PPP6R2: variants seen among roughly 807,000 people sequenced by gnomAD.
The protein encoded by PPP6R2 is protein phosphatase 6 regulatory subunit 2.
PPP6R2 carries 62 observed loss-of-function variants against 100.2 expected under a neutral mutation model. The ratio of observed to expected loss-of-function variants is 0.62; its 90% CI spans 0.50 to 0.76. The LOEUF (loss-of-function observed/expected upper bound fraction) is 0.76, where lower values mean the gene tolerates loss of function less well. Among genes scored for constraint, PPP6R2 ranks in the 30% least tolerant of loss-of-function variants. The probability of loss-of-function intolerance (pLI) is 0.00; values close to 1 mark genes in which losing one functional copy is unlikely to be tolerated. For missense variants in PPP6R2, 1,142 were observed against 1,276.3 expected (o/e 0.89, Z 1.60); for synonymous variants, 525 against 514.7 (o/e 1.02, Z -0.27).
At chr22:50,375,873 C>CTTTTTTTTTTTTTTTTT (rs1555991244) in intron 2 of PPP6R2, among the ~76,000 whole-genome samples, 1 of 66,272 alleles carries the variant, frequency 1.5e-5, no homozygotes, top group Admixed American at 2.3e-4. Context: ...TGGAGTCTTG[C>CTTTTTTTTTTTTTTTTT]TTTGTATCCC....
chr22:50,376,943 C>T (rs1278714337), intron 2 of PPP6R2, among the ~76,000 whole-genome samples: 5 of 152,024 alleles, frequency 3.3e-5, no homozygotes, highest in Admixed American at 6.6e-5. Flanking sequence ...AGGAGAATGG[C>T]GTGAACCCAG....
rs1463905962 is a variant in PPP6R2 at position 50,431,166 on chromosome 22, T to A, written c.1126-7T>A. The A allele has an allele frequency of 1.2e-6, 2 of 1,601,244 alleles. No homozygotes were observed. Among genetic ancestry groups the A allele is most frequent in the Admixed American group, 3.3e-5 (2 of 59,940 alleles). On this transcript the variant is annotated splice_polypyrimidine_tract_variant and splice_region_variant and intron_variant, in intron 10 of 23. Transcript: ENST00000612753. The surrounding 1 kb of genome is among the most constrained non-coding windows in gnomAD (Gnocchi z 4.8). ...TAAGAACTGTCTTCTGTCCTCTGTT[T>A]ACCCAGGACTTGTTCTTTAAGTACA...
chr22:50,363,409 C>G (rs1305537490), intron 1 of PPP6R2, among the ~76,000 whole-genome samples: 1 of 152,250 alleles, frequency 6.6e-6, no homozygotes, highest in Non-Finnish European at 1.5e-5. Context: ...TTATAGTGCT[C>G]TAGTATGTTC....
At chr22:50,409,004 C>T (rs183006622) in intron 4 of PPP6R2, among the ~76,000 whole-genome samples, 49 of 152,304 alleles carry the variant, frequency 3.2e-4, no homozygotes, top group African/African-American at 1.2e-3. Context: ...ATCCCAGCTA[C>T]TCAGGAGGCT....
chr22:50,395,678 A>G (rs2056641238), intron 3 of PPP6R2, among the ~76,000 whole-genome samples: 1 of 152,036 alleles, frequency 6.6e-6, no homozygotes, highest in South Asian at 2.1e-4. Flanking sequence ...CTCCCGCCTT[A>G]GCCTCCCTAG....
chr22:50,343,064 G>A (rs946171483), upstream of PPP6R2, among the ~76,000 whole-genome samples: 2 of 152,208 alleles, frequency 1.3e-5, no homozygotes, highest in African/African-American at 2.4e-5. Flanking sequence ...AATTAACTAT[G>A]CTTGCACAAA....
intron 3 of PPP6R2, among the ~76,000 whole-genome samples, chr22:50,402,355 C>T (rs1281438619): frequency 2.7e-5 from 4 of 148,890 alleles, no homozygotes; most frequent in Non-Finnish European, 5.9e-5. Context: ...TTACCAAGTT[C>T]CCTATTTCTG....
rs2147802794 is a variant in PPP6R2, at chr22:50,422,183, G to A, written c.846-71G>A. 2.6e-6 allele frequency: 4 copies of A among 1,561,400 alleles called. No individual in the cohort carries two copies. In the South Asian group the frequency reaches 3.5e-5, roughly 14 times the overall value. ...AGGGCTCTTTCTGGAAGAAGCGGGT[G>A]CACTGAGTTGCTGGTGAGGTTGGAC... On this transcript the variant is annotated intron_variant, in intron 8 of 23. Coordinates refer to ENST00000612753, the MANE Select transcript of PPP6R2 (RefSeq NM_001242898.2).
At chr22:50,338,963 T>G (rs548770776), upstream of PPP6R2, among the ~76,000 whole-genome samples, 53 of 126,578 alleles carry the variant, frequency 4.2e-4, no homozygotes, top group Non-Finnish European at 5.1e-4. Flanking sequence ...GGTGGGTGTG[T>G]AGGGTGTGTG....
the PPP6R2 span, among the ~76,000 whole-genome samples, chr22:50,337,576 AGT>A: frequency 3.9e-5 from 3 of 76,002 alleles, no homozygotes; most frequent in African/African-American, 1.4e-4. Flanking sequence ...GTGTCTGTGT[AGT>A]GTGTGTGCGA....
intron 7 of PPP6R2, 86 bp downstream of exon 7, chr22:50,419,065 A>G (rs2060944450): frequency 1.9e-6 from 2 of 1,072,750 alleles, no homozygotes; most frequent in Non-Finnish European, 2.8e-6. Flanking sequence ...GCACCAGGAT[A>G]TGTTGCCACC....
At chr22:50,429,853 C>T (rs1168288533) in intron 10 of PPP6R2, among the ~76,000 whole-genome samples, 1 of 152,178 alleles carries the variant, frequency 6.6e-6, no homozygotes, top group East Asian at 1.9e-4. Flanking sequence ...CAAGGTTGCT[C>T]AAGGTCACAT....
chr22:50,443,792 T>C, intron 22 of PPP6R2, 74 bp from the exon 23 acceptor site: 4 of 1,491,480 alleles, frequency 2.7e-6, no homozygotes, highest in Non-Finnish European at 3.6e-6. Flanking sequence ...TTTGTCCAGC[T>C]GGTCCTTGGG....
chr22:50,437,548 G>C lies in PPP6R2; in HGVS notation c.1726G>C (p.Val576Leu), dbSNP rs769695089. 4 of 1,509,564 alleles carry C rather than the reference G, an allele frequency of 2.6e-6. No homozygotes were observed. The South Asian group carries it at 4.5e-5, about 17-fold the overall frequency. The allele number at this position is 1,509,564 out of a possible 1,614,324, so 93.5% of individuals were successfully genotyped here. A position where few individuals can be genotyped will look rare whatever the true frequency, so the allele number is the denominator to read the frequency against. ...YQIQQMTANF[V>L]DQFGFNDEEF... Reference sequence around the variant, plus strand: ...GATCCAGCAGATGACAGCCAACTTCGTGGATCAGTTTGGCTTCAATGATGA... The same window carrying C: ...GATCCAGCAGATGACAGCCAACTTCCTGGATCAGTTTGGCTTCAATGATGA... The change falls in exon 16 of 24, where the codon GTG (valine) becomes CTG (leucine). Residue 576 changes from valine (V) to leucine (L), a missense_variant. Physicochemically the swap from Val to Leu is conservative, Grantham distance 32 (BLOSUM62 1). Coordinates refer to ENST00000612753, the MANE Select transcript of PPP6R2 (RefSeq NM_001242898.2).
intron 13 of PPP6R2, among the ~76,000 whole-genome samples, chr22:50,435,569 C>G (rs1603406982): frequency 1.3e-5 from 2 of 152,202 alleles, no homozygotes; most frequent in Non-Finnish European, 2.9e-5. Flanking sequence ...GGCGCAGGCA[C>G]AGCACATGTG....
chr22:50,351,026 G>GTTTTT (rs1195469509), intron 1 of PPP6R2, among the ~76,000 whole-genome samples: 10 of 80,740 alleles, frequency 1.2e-4, no homozygotes, highest in South Asian at 4.7e-4. Context: ...TCTCAACAGT[G>GTTTTT]TTTTTTTTTT....
intron 14 of PPP6R2, among the ~76,000 whole-genome samples, chr22:50,436,765 C>T (rs1017018750): frequency 6.6e-6 from 1 of 152,234 alleles, no homozygotes; most frequent in Non-Finnish European, 1.5e-5. Context: ...GCCTGAGACC[C>T]ACAACCTGCC....
intron 1 of PPP6R2, among the ~76,000 whole-genome samples, chr22:50,367,686 TA>T (rs1195163916): frequency 6.6e-6 from 1 of 152,212 alleles, no homozygotes; most frequent in East Asian, 1.9e-4. Flanking sequence ...TAAATTACAA[TA>T]AATATAATTG....
chr22:50,386,695 A>G (rs1295692486), intron 2 of PPP6R2, among the ~76,000 whole-genome samples: 1 of 152,136 alleles, frequency 6.6e-6, no homozygotes, highest in Non-Finnish European at 1.5e-5. Flanking sequence ...GTTTCCCACC[A>G]GGCGGTAAAA....
Sources: gnomAD v4.1 joint callset for allele counts (sites outside exome capture counted in the v4.1 genomes callset) on GRCh38, gnomAD v4.1.1 for gene constraint, Gnocchi (gnomAD v3.1) non-coding constraint, MANE v1.5 for transcripts, NCBI Gene and HGNC (gene_info 2026-07-23, HGNC 2026-07-21) for gene names.